AFAP1L1: variants seen among roughly 807,000 people sequenced by gnomAD.
The protein encoded by AFAP1L1 is actin filament associated protein 1 like 1, also known as actin filament-associated protein 1-like 1.
AFAP1L1 carries 77 observed loss-of-function variants against 99.8 expected under a neutral mutation model. That is an observed-to-expected ratio of 0.77 (90% CI 0.64 to 0.93). The LOEUF is 0.93. Among genes scored for constraint, AFAP1L1 ranks in the 40% least tolerant of loss-of-function variants. The probability of loss-of-function intolerance (pLI) is 0.00; values close to 1 mark genes in which losing one functional copy is unlikely to be tolerated. For synonymous variants in AFAP1L1, 373 were observed against 395.3 expected, an observed-to-expected ratio of 0.94 and a Z score of 0.67; for missense variants, 893 against 996.8, an observed-to-expected ratio of 0.90 and a Z score of 1.40.
At chr5:149,307,648 C>T (rs754928127) in intron 7 of AFAP1L1, 35 bp downstream of exon 7, 11 of 1,603,148 alleles carry the variant, frequency 6.9e-6, no homozygotes, top group Non-Finnish European at 4.3e-6. Context: ...GCCTCGGCCT[C>T]ACATGGACTT....
At chr5:149,300,993 CATT>C (rs1756186437) in intron 3 of AFAP1L1, 137 bp from the exon 4 acceptor site, 1 of 627,706 alleles carries the variant, frequency 1.6e-6, no homozygotes, top group Non-Finnish European at 2.8e-6. Context: ...AGTCAAAAGT[CATT>C]TGTTTAGGGT....
chr5:149,285,389 GCATA>G (rs1340824739), intron 1 of AFAP1L1, among the ~76,000 whole-genome samples: 1 of 152,150 alleles, frequency 6.6e-6, no homozygotes, highest in African/African-American at 2.4e-5. Flanking sequence ...CTGGCATGAT[GCATA>G]CAGTCTTCAT....
intron 5 of AFAP1L1, among the ~76,000 whole-genome samples, chr5:149,304,066 T>C (rs1314844319): frequency 2.0e-5 from 3 of 152,140 alleles, no homozygotes; most frequent in Admixed American, 6.5e-5. Flanking sequence ...ACCAATTCAC[T>C]TTCTGTCCAT....
chr5:149,320,597 C>A lies in AFAP1L1; in HGVS notation c.1698+134C>A. The A allele has an allele frequency of 1.3e-6, 1 of 797,406 alleles. No homozygotes were observed. The highest frequency in any genetic ancestry group is 2.0e-6 in the Non-Finnish European group (1 of 496,686). The allele number at this position is 797,406 out of a possible 1,614,324, so 49.4% of individuals were successfully genotyped here. On this transcript the variant is annotated intron_variant, in intron 14 of 18. Coordinates refer to ENST00000296721, the MANE Select transcript of AFAP1L1 (RefSeq NM_152406.4). This position sits in a 1 kb window ranked among gnomAD's most constrained non-coding sequence, Gnocchi z 4.0. ...GCAGTAGCTAGAAGGGGAGCCCCTT[C>A]TTATCATAGAGCATGGCTCAGGATG...
chr5:149,308,698 T>C (rs1386246046), intron 7 of AFAP1L1, among the ~76,000 whole-genome samples: 1 of 152,058 alleles, frequency 6.6e-6, no homozygotes, highest in African/African-American at 2.4e-5. Context: ...TCCTACCCCT[T>C]CTATATTTTT....
rs904183118 is a variant in AFAP1L1 at position 149,300,204 on chromosome 5, T to C, written c.146-67T>C. On this transcript the variant is annotated intron_variant, in intron 2 of 18. Transcript: ENST00000296721. ...CTGTGTCCCATGTGGGCTAGAAGTA[T>C]GAGTGGGACGGGGGAGACCTGGTCC... 7.8e-6 allele frequency: 9 copies of C among 1,148,696 alleles called. No homozygotes were observed. In the East Asian group the frequency reaches 2.0e-4, roughly 26 times the overall value. The allele number at this position is 1,148,696 out of a possible 1,614,324, so 71.2% of individuals were successfully genotyped here.
intron 14 of AFAP1L1, among the ~76,000 whole-genome samples, chr5:149,321,542 C>T (rs1313132378): frequency 2.0e-5 from 3 of 150,990 alleles, no homozygotes; most frequent in African/African-American, 4.9e-5. Context: ...GCCTGGCCAA[C>T]ATGGTGAAAC....
At chr5:149,288,343 CAT>C (rs1023438263) in intron 1 of AFAP1L1, among the ~76,000 whole-genome samples, 9 of 152,240 alleles carry the variant, frequency 5.9e-5, no homozygotes, top group African/African-American at 1.2e-4. Flanking sequence ...TCACTTGGCT[CAT>C]GTGTAAACGC....
rs993157349 is a variant in AFAP1L1, at chr5:149,315,984, C to T, written c.1114+70C>T. ...CCGGGCCTTGCCCATGGGCACACAGCGGCAGAGCAGGTTCTGACCATTCTG... is the reference window on the plus strand; with the variant it reads ...CCGGGCCTTGCCCATGGGCACACAGTGGCAGAGCAGGTTCTGACCATTCTG... On this transcript the variant is annotated intron_variant, in intron 10 of 18. Coordinates refer to ENST00000296721, the MANE Select transcript of AFAP1L1 (RefSeq NM_152406.4). 5.6e-5 allele frequency: 90 copies of T among 1,594,622 alleles called. 1 individual carries two copies. Among genetic ancestry groups the T allele is most frequent in the African/African-American group, 5.6e-4 (42 of 74,460 alleles).
chr5:149,296,508 C>A (rs1055807628), intron 1 of AFAP1L1, among the ~76,000 whole-genome samples: 1 of 152,196 alleles, frequency 6.6e-6, no homozygotes. Context: ...GGCTCCCAGG[C>A]CACCTGTGGC....
At chr5:149,290,412 T>C (rs937844734) in intron 1 of AFAP1L1, among the ~76,000 whole-genome samples, 18 of 152,184 alleles carry the variant, frequency 1.2e-4, no homozygotes, top group Non-Finnish European at 2.1e-4. Flanking sequence ...GAGGTAGATA[T>C]GCTCACGTTA....
In AFAP1L1 at chr5:149,300,294, G is replaced by A. The variant is rs754751688; in HGVS notation, c.169G>A (p.Val57Met). ...AGCAAAGGAGGTCTCCTACCTGTAT[G>A]TGAACACAGCAGACCTCCACTCGGG... ...LPAKEVSYLY[V>M]NTADLHSGPS... Residue 57 changes from valine to methionine, a missense_variant, in exon 3 of 19, where the codon GTG becomes ATG. Val to Met is a conservative substitution (Grantham distance 21). Coordinates refer to ENST00000296721, the MANE Select transcript of AFAP1L1 (RefSeq NM_152406.4). 6 of 1,613,370 alleles carry A rather than the reference G, an allele frequency of 3.7e-6. No homozygotes were observed. In the Admixed American group the frequency reaches 8.3e-5, roughly 22 times the overall value.
rs1757039023 is a variant in AFAP1L1 at position 149,324,464 on chromosome 5, A to G, written c.1810+1747A>G. Among the ~76,000 whole-genome samples, 2 of 152,160 alleles carry G rather than the reference A, an allele frequency of 1.3e-5. 1 individual carries two copies. The highest frequency in any genetic ancestry group is 4.1e-4 in the South Asian group (2 of 4,828). The stretch of plus-strand genomic sequence containing the variant: ...GAAGGGGATTAGGTTTCAACATATG[A>G]ATTTTGGGGGATGTAAACATCTAGT... On this transcript the variant is annotated intron_variant, in intron 15 of 18. Transcript: ENST00000296721.
intron 1 of AFAP1L1, among the ~76,000 whole-genome samples, chr5:149,289,787 C>T (rs567468462): frequency 4.6e-5 from 7 of 152,318 alleles, no homozygotes; most frequent in East Asian, 1.9e-4. Flanking sequence ...AGCTGGTGAC[C>T]GCTCTGCGGA....
chr5:149,307,006 G>A (rs1430794514), intron 6 of AFAP1L1, among the ~76,000 whole-genome samples: 1 of 152,034 alleles, frequency 6.6e-6, no homozygotes, highest in Non-Finnish European at 1.5e-5. Flanking sequence ...CAGCACTTTG[G>A]GAGGCCAAGG....
At chr5:149,289,924 T>G (rs1755799264) in intron 1 of AFAP1L1, among the ~76,000 whole-genome samples, 1 of 152,180 alleles carries the variant, frequency 6.6e-6, no homozygotes, top group Admixed American at 6.5e-5. Flanking sequence ...GTGGGGGTAA[T>G]CCACCTTATT....
intron 8 of AFAP1L1, among the ~76,000 whole-genome samples, chr5:149,311,451 G>A (rs1277806060): frequency 1.3e-5 from 2 of 152,216 alleles, no homozygotes; most frequent in Non-Finnish European, 2.9e-5. Context: ...CACCTAACAG[G>A]TGGCTTCCCC....
rs1757558598 is a variant in AFAP1L1 at position 149,341,449 on chromosome 5, C to T, written c.*1419C>T. 1 of 152,226 alleles carries T rather than the reference C, an allele frequency of 6.6e-6. No individual in the cohort carries two copies. The highest frequency in any genetic ancestry group is 2.4e-5 in the African/African-American group (1 of 41,446). The allele number at this position is 152,226 out of a possible 1,614,324, so 9.4% of individuals were successfully genotyped here. Reference sequence around the variant, plus strand: ...CAGCTGGGTGACCTTGGGAAAGTCACTTGATTGCTCTGATTCTTGTTTTCC... The same window carrying T: ...CAGCTGGGTGACCTTGGGAAAGTCATTTGATTGCTCTGATTCTTGTTTTCC... On this transcript the variant is annotated 3_prime_UTR_variant, in exon 19 of 19. Coordinates refer to ENST00000296721, the MANE Select transcript of AFAP1L1 (RefSeq NM_152406.4).
intron 5 of AFAP1L1, 109 bp downstream of exon 5, chr5:149,302,635 C>A: frequency 1.1e-6 from 1 of 934,024 alleles, no homozygotes; most frequent in Admixed American, 2.5e-5. Flanking sequence ...GTCACCCTCC[C>A]AACCATGTCA....
Sources: allele counts gnomAD v4.1 joint callset (sites outside exome capture counted in the v4.1 genomes callset), GRCh38; gene constraint gnomAD v4.1.1; non-coding constraint Gnocchi (gnomAD v3.1); transcripts MANE v1.5; gene names NCBI Gene and HGNC (gene_info 2026-07-23, HGNC 2026-07-21).